The following PARD3 variants were observed in gnomAD, a reference collection of about 807,000 sequenced individuals.
PARD3 encodes partitioning defective 3 homolog.
A neutral mutation model predicts 155.4 loss-of-function variants in PARD3; 75 were observed. That is an observed-to-expected ratio of 0.48 (90% confidence interval 0.40 to 0.58). The LOEUF is 0.58. Among genes scored for constraint, PARD3 ranks in the 20% least tolerant of loss-of-function variants. The pLI, the probability that PARD3 is intolerant of heterozygous loss-of-function variation, is 0.00. For missense variants in PARD3, 1,642 were observed against 1,721.7 expected, an observed-to-expected ratio of 0.95 and a Z score of 0.82; for synonymous variants, 576 against 610.5, an observed-to-expected ratio of 0.94 and a Z score of 0.83.
chr10:34,664,556 G>A (rs1305061240), intron 2 of PARD3, among the ~76,000 whole-genome samples: 1 of 152,114 alleles, frequency 6.6e-6, no homozygotes, highest in Non-Finnish European at 1.5e-5. Flanking sequence ...TGGTATCTCA[G>A]CTCACAGCAG....
At chr10:34,306,892 A>T (rs1005931565) in intron 20 of PARD3, among the ~76,000 whole-genome samples, 1 of 146,666 alleles carries the variant, frequency 6.8e-6, no homozygotes, top group African/African-American at 2.5e-5. Flanking sequence ...TTCCAAAAGT[A>T]TTTTTTTTTT....
chr10:34,692,511 CA>C (rs764686119), intron 2 of PARD3, among the ~76,000 whole-genome samples: 2 of 152,144 alleles, frequency 1.3e-5, no homozygotes, highest in African/African-American at 2.4e-5. Context: ...ATGCATCCAA[CA>C]AAGGTTGAAT....
At position 34,703,962 on chromosome 10, in the gene PARD3, A is replaced by G. The variant is rs74132095; in HGVS notation, c.121-7543T>C. Among the ~76,000 whole-genome samples, 1,502 of 152,332 alleles carry G rather than the reference A, an allele frequency of 9.9e-3. 25 individuals are homozygous for G. Among genetic ancestry groups the G allele is most frequent in the African/African-American group, 0.034 (1,427 of 41,556 alleles). ...AACATTACCCCTTTGTAAGTGGAAG[A>G]TGTGTTCCAACAAAATAAGGCAATA... On this transcript the variant is annotated intron_variant, in intron 1 of 24. Coordinates refer to ENST00000374788, the MANE Select transcript of PARD3 (RefSeq NM_001184785.2).
chr10:34,293,393 TAACCCCAA>T (rs957709689), intron 20 of PARD3, among the ~76,000 whole-genome samples: 2 of 152,156 alleles, frequency 1.3e-5, no homozygotes, highest in African/African-American at 2.4e-5. Context: ...ACTAACCCCA[TAACCCCAA>T]ATACCCAAAT....
chr10:34,629,320 A>G (rs2092142270), intron 2 of PARD3, among the ~76,000 whole-genome samples: 1 of 152,226 alleles, frequency 6.6e-6, no homozygotes, highest in African/African-American at 2.4e-5. Context: ...CAAAGGTTAT[A>G]CTAATGTGAT....
intron 4 of PARD3, among the ~76,000 whole-genome samples, chr10:34,464,926 G>T (rs865942111): frequency 6.6e-6 from 1 of 152,234 alleles, no homozygotes; most frequent in Middle Eastern, 3.4e-3. Context: ...ATCCATGGGG[G>T]ACTGGTTCCA....
At chr10:34,740,217 C>A (rs950631195) in intron 1 of PARD3, among the ~76,000 whole-genome samples, 2 of 152,212 alleles carry the variant, frequency 1.3e-5, no homozygotes, top group South Asian at 2.1e-4. Context: ...CAGAGCTGGC[C>A]GGCTGGGAGA....
At chr10:34,431,376 G>C (rs2075888999) in intron 5 of PARD3, among the ~76,000 whole-genome samples, 1 of 152,190 alleles carries the variant, frequency 6.6e-6, no homozygotes, top group South Asian at 2.1e-4. Flanking sequence ...CAGTCCACCA[G>C]AGCACAAAAT....
At chr10:34,635,715 T>G (rs2092445843) in intron 2 of PARD3, among the ~76,000 whole-genome samples, 1 of 152,212 alleles carries the variant, frequency 6.6e-6, no homozygotes, top group African/African-American at 2.4e-5. Flanking sequence ...TAAAGGATGA[T>G]GTAGGAAGAG....
intron 22 of PARD3, among the ~76,000 whole-genome samples, chr10:34,135,763 G>A (rs1004378720): frequency 1.2e-4 from 19 of 152,202 alleles, no homozygotes; most frequent in African/African-American, 4.6e-4. Flanking sequence ...CTGTGTATAT[G>A]AGAACCATTC....
intron 22 of PARD3, among the ~76,000 whole-genome samples, chr10:34,222,430 C>T (rs1952352300): frequency 6.6e-6 from 1 of 152,218 alleles, no homozygotes; most frequent in Non-Finnish European, 1.5e-5. Flanking sequence ...CAGCATGAGG[C>T]CCCAAATGGG....
At chr10:34,685,315 A>G (rs1275912612) in intron 2 of PARD3, among the ~76,000 whole-genome samples, 1 of 152,206 alleles carries the variant, frequency 6.6e-6, no homozygotes, top group Non-Finnish European at 1.5e-5. Flanking sequence ...TTTAAAATGT[A>G]TATTTCCCCA....
At chr10:34,187,306 T>C (rs1259732991) in intron 22 of PARD3, among the ~76,000 whole-genome samples, 2 of 151,928 alleles carry the variant, frequency 1.3e-5, no homozygotes, top group Non-Finnish European at 2.9e-5. Flanking sequence ...ACCATGACAA[T>C]GCAGGGAACT....
At chr10:34,656,112 AG>A (rs943023836) in intron 2 of PARD3, among the ~76,000 whole-genome samples, 1 of 152,204 alleles carries the variant, frequency 6.6e-6, no homozygotes, top group African/African-American at 2.4e-5. Flanking sequence ...AAAAAAGTAA[AG>A]AGTAATTTTT....
At chr10:34,425,218 T>C (rs1589525373) in intron 5 of PARD3, among the ~76,000 whole-genome samples, 1 of 152,160 alleles carries the variant, frequency 6.6e-6, no homozygotes, top group Non-Finnish European at 1.5e-5. Context: ...TCCATTTTCA[T>C]TATACTTTAA....
At chr10:34,648,300 TA>T (rs2092905737) in intron 2 of PARD3, among the ~76,000 whole-genome samples, 1 of 152,230 alleles carries the variant, frequency 6.6e-6, no homozygotes, top group African/African-American at 2.4e-5. Context: ...GTTTTATAGT[TA>T]TTTTTAATAT....
At chr10:34,681,751 T>TATATATATATATATATAG in intron 2 of PARD3, among the ~76,000 whole-genome samples, 1 of 18,244 alleles carries the variant, frequency 5.5e-5, no homozygotes, top group Non-Finnish European at 9.9e-5. Flanking sequence ...TATATATATA[T>TATATATATATATATATAG]ATATATATAT....
intron 22 of PARD3, among the ~76,000 whole-genome samples, chr10:34,258,443 T>C (rs1393558775): frequency 6.6e-6 from 1 of 151,962 alleles, no homozygotes; most frequent in Non-Finnish European, 1.5e-5. Flanking sequence ...GATGTGTGGG[T>C]TGTGATTGCG....
intron 2 of PARD3, among the ~76,000 whole-genome samples, chr10:34,602,285 CT>C (rs1222757483): frequency 2.6e-5 from 4 of 152,132 alleles, no homozygotes; most frequent in African/African-American, 7.2e-5. Flanking sequence ...TAGTCCATTT[CT>C]TTTTTTCCTT....
Sources: allele counts gnomAD v4.1 joint callset (sites outside exome capture counted in the v4.1 genomes callset), GRCh38; gene constraint gnomAD v4.1.1; transcripts MANE v1.5; gene names NCBI Gene and HGNC (gene_info 2026-07-23, HGNC 2026-07-21).